CDH12: variants seen among roughly 807,000 people sequenced by gnomAD.
CDH12 encodes the protein cadherin 12, also known as cadherin-12.
In CDH12, 41 loss-of-function variants were observed where a neutral mutation model predicts 74.1. That is an observed-to-expected ratio of 0.55 (90% confidence interval 0.43 to 0.72). The LOEUF (loss-of-function observed/expected upper bound fraction) is 0.72, where lower values mean the gene tolerates loss of function less well. Ranked by LOEUF, CDH12 falls within the 30% of genes least tolerant of loss-of-function variation. CDH12 has a pLI of 0.00. For synonymous variants in CDH12, 399 were observed against 355.0 expected, an observed-to-expected ratio of 1.12 and a Z score of -1.39; for missense variants, 945 against 977.2, an observed-to-expected ratio of 0.97 and a Z score of 0.44.
At chr5:22,157,441 GA>G (rs1243329537) in intron 4 of CDH12, among the ~76,000 whole-genome samples, 2 of 150,870 alleles carry the variant, frequency 1.3e-5, no homozygotes, top group African/African-American at 2.4e-5. Context: ...AGGCACATTT[GA>G]AGCTTCTGAG....
rs1742548451 is a variant in CDH12, at chr5:22,698,731, ATATAGTGT to A, written c.-523+154319_-523+154326del. 1.6e-3 allele frequency among the ~76,000 whole-genome samples: 11 copies of A among 6,882 alleles called. 1 individual carries two copies. Among genetic ancestry groups the A allele is most frequent in the South Asian group, 0.012 (2 of 164 alleles). The allele number at this position is 6,882 out of a possible 152,430, so 4.5% of individuals were successfully genotyped here. Reference sequence around the variant, plus strand: ...TATATATATATATATATATATATATATATAGTGTGTGTGTGTGTGTGTGTGTGTGTGTG... The same window carrying A: ...TATATATATATATATATATATATATAGTGTGTGTGTGTGTGTGTGTGTGTG... On this transcript the variant is annotated intron_variant, in intron 1 of 14. Coordinates refer to ENST00000382254, the MANE Select transcript of CDH12 (RefSeq NM_004061.5).
intron 5 of CDH12, among the ~76,000 whole-genome samples, chr5:22,042,875 G>C (rs1206645339): frequency 8.0e-6 from 1 of 125,598 alleles, no homozygotes; most frequent in African/African-American, 3.2e-5. Flanking sequence ...AGGTGACAGA[G>C]TGAGATTCTA....
At chr5:22,615,588 G>A (rs1200108907) in intron 1 of CDH12, among the ~76,000 whole-genome samples, 2 of 151,850 alleles carry the variant, frequency 1.3e-5, no homozygotes, top group African/African-American at 4.8e-5. Flanking sequence ...AGATTTAAAG[G>A]GAAAGTGAGG....
intron 1 of CDH12, among the ~76,000 whole-genome samples, chr5:22,759,731 C>A (rs1342845366): frequency 6.6e-6 from 1 of 152,140 alleles, no homozygotes; most frequent in Non-Finnish European, 1.5e-5. Flanking sequence ...TATTAGAGTT[C>A]TCCAGATAAA....
chr5:22,470,150 T>C (rs770059883), intron 2 of CDH12, among the ~76,000 whole-genome samples: 1 of 151,968 alleles, frequency 6.6e-6, no homozygotes, highest in Non-Finnish European at 1.5e-5. Flanking sequence ...CTTCTAAGCA[T>C]GCAGCCCTGA....
intron 4 of CDH12, among the ~76,000 whole-genome samples, chr5:22,135,910 G>A (rs1195887170): frequency 6.6e-6 from 1 of 151,698 alleles, no homozygotes; most frequent in African/African-American, 2.4e-5. Flanking sequence ...AGTGCTTTTT[G>A]CCCCTGCCCT....
intron 3 of CDH12, among the ~76,000 whole-genome samples, chr5:22,315,260 C>A (rs1297367473): frequency 6.6e-6 from 1 of 151,470 alleles, no homozygotes; most frequent in Admixed American, 6.6e-5. Context: ...CCGCGCCCGG[C>A]CTGGGCTGTT....
chr5:21,883,934 T>A, intron 6 of CDH12: 3 of 1,608,436 alleles, frequency 1.9e-6, no homozygotes, highest in Non-Finnish European at 1.7e-6. Flanking sequence ...TTCGATGCAT[T>A]CCAGCCTTGG....
At chr5:22,387,258 C>T (rs900452572) in intron 3 of CDH12, among the ~76,000 whole-genome samples, 6 of 150,878 alleles carry the variant, frequency 4.0e-5, no homozygotes, top group African/African-American at 1.5e-4. Flanking sequence ...CATTTAAAAA[C>T]ATTACAATTT....
At chr5:22,064,084 A>T (rs1007054859) in intron 5 of CDH12, among the ~76,000 whole-genome samples, 1 of 152,074 alleles carries the variant, frequency 6.6e-6, no homozygotes, top group Admixed American at 6.6e-5. Context: ...GGGTCCACTT[A>T]TATGTGGAAA....
chr5:22,841,730 T>C (rs1737090550), intron 1 of CDH12, among the ~76,000 whole-genome samples: 1 of 152,076 alleles, frequency 6.6e-6, no homozygotes, highest in African/African-American at 2.4e-5. Context: ...AAATCCAACT[T>C]TAAGAACTGT....
intron 11 of CDH12, among the ~76,000 whole-genome samples, chr5:21,765,568 G>C (rs554181718): frequency 6.6e-6 from 1 of 150,526 alleles, no homozygotes; most frequent in East Asian, 1.9e-4. Context: ...GGGAAAGAAG[G>C]CTCTTTATAA....
rs1261391 is a variant in CDH12, at chr5:22,401,949, C to G, written c.-333+3308G>C. On this transcript the variant is annotated intron_variant, in intron 3 of 14. Coordinates refer to ENST00000382254, the MANE Select transcript of CDH12 (RefSeq NM_004061.5). ...GCCACCAGAAGATAAGAAAGAGGCACTGAACAGACTCTCTGAGCCTCCAAA... is the reference window on the plus strand; with the variant it reads ...GCCACCAGAAGATAAGAAAGAGGCAGTGAACAGACTCTCTGAGCCTCCAAA... 7.6e-4 allele frequency among the ~76,000 whole-genome samples: 116 copies of G among 152,284 alleles called. 1 individual carries two copies. The East Asian group carries it at 0.017, about 23-fold the overall frequency.
intron 5 of CDH12, among the ~76,000 whole-genome samples, chr5:22,021,110 A>G (rs1261383359): frequency 6.6e-6 from 1 of 152,184 alleles, no homozygotes; most frequent in Non-Finnish European, 1.5e-5. Context: ...TATATTGGGG[A>G]AAGGACCCAA....
intron 4 of CDH12, chr5:22,142,900 C>A: frequency 4.2e-6 from 1 of 238,212 alleles, no homozygotes; most frequent in South Asian, 7.7e-5. Context: ...GCTGGCAAGT[C>A]TGATTCTTTT....
In CDH12 at chr5:22,183,558, G is replaced by A. The variant is rs149836292; in HGVS notation, c.-187+28940C>T. Reference sequence around the variant, plus strand: ...ACCAGATAAGAAAGCACGTGGAAACGGGTGATTTCTTCTCGTGAAATTTAA... The same window carrying A: ...ACCAGATAAGAAAGCACGTGGAAACAGGTGATTTCTTCTCGTGAAATTTAA... On this transcript the variant is annotated intron_variant, in intron 4 of 14. Transcript: ENST00000382254. Among the ~76,000 whole-genome samples the A allele has an allele frequency of 3.0e-3, 461 of 152,184 alleles. 2 individuals carry two copies. The highest frequency in any genetic ancestry group is 9.0e-3 in the African/African-American group (375 of 41,532).
At chr5:22,571,896 C>G (rs1336414443) in intron 1 of CDH12, among the ~76,000 whole-genome samples, 23 of 152,114 alleles carry the variant, frequency 1.5e-4, no homozygotes. Context: ...TCAAAAATCA[C>G]TGAACAGATA....
chr5:22,691,228 A>G (rs1432707236), intron 1 of CDH12, among the ~76,000 whole-genome samples: 1 of 152,182 alleles, frequency 6.6e-6, no homozygotes, highest in Non-Finnish European at 1.5e-5. Context: ...CTGTGCTTCA[A>G]TTGGGCATTC....
At chr5:22,485,735 G>T (rs978605392) in intron 2 of CDH12, among the ~76,000 whole-genome samples, 1 of 152,052 alleles carries the variant, frequency 6.6e-6, no homozygotes, top group Non-Finnish European at 1.5e-5. Context: ...CAGCATGGAA[G>T]AAATTGTTTT....
Sources: allele counts gnomAD v4.1 joint callset (sites outside exome capture counted in the v4.1 genomes callset), GRCh38; gene constraint gnomAD v4.1.1; transcripts MANE v1.5; gene names NCBI Gene and HGNC (gene_info 2026-07-23, HGNC 2026-07-21).